Variants in KCTD19 observed in about 807,000 individuals in gnomAD.
KCTD19 encodes potassium channel tetramerization domain containing 19.
Under a neutral mutation model 103.5 loss-of-function variants are expected in KCTD19, and 67 were observed. That is an observed-to-expected ratio of 0.65 (90% CI 0.53 to 0.79). The LOEUF is 0.79. KCTD19 is among the 30% of genes least tolerant of loss of function. The pLI, the probability that KCTD19 is intolerant of heterozygous loss-of-function variation, is 0.00. For missense variants in KCTD19, 980 were observed against 1,136.1 expected (o/e 0.86, Z 1.98); for synonymous variants, 439 against 452.2 (o/e 0.97, Z 0.37).
At chr16:67,297,697 C>G in intron 6 of KCTD19, 34 bp from the exon 7 acceptor site, 1 of 1,604,400 alleles carries the variant, frequency 6.2e-7, no homozygotes, top group Non-Finnish European at 8.5e-7. Context: ...TGAAGAACAT[C>G]AGCATTGTAC....
In KCTD19 at chr16:67,323,935, T is replaced by C. The variant is rs530547129; in HGVS notation, c.3+2770A>G. Among the ~76,000 whole-genome samples, 1 of 151,590 alleles carries C rather than the reference T, an allele frequency of 6.6e-6. No homozygotes were observed. Among genetic ancestry groups the C allele is most frequent in the Non-Finnish European group, 1.5e-5 (1 of 67,924 alleles). ...GGTACTGTCCATTCCATGGAGCGCA[T>C]GCAGAACTCTCTTGGGATCTTACCT... is the stretch of plus-strand genomic sequence containing the variant. On this transcript the variant is annotated intron_variant, in intron 1 of 15. Transcript: ENST00000304372. The surrounding 1 kb of genome is among the most constrained non-coding windows in gnomAD (Gnocchi z 4.1).
chr16:67,291,051 G>A, intron 14 of KCTD19, 65 bp from the exon 15 acceptor site: 1 of 1,531,740 alleles, frequency 6.5e-7, no homozygotes, highest in South Asian at 1.2e-5. Context: ...GTGAGATGCA[G>A]AGCGGGGACT....
chr16:67,322,332 G>C (rs2037083855), intron 1 of KCTD19, among the ~76,000 whole-genome samples: 1 of 143,014 alleles, frequency 7.0e-6, no homozygotes, highest in Non-Finnish European at 1.5e-5. Flanking sequence ...GAGTCTCGCT[G>C]TATCACCCAG....
At chr16:67,308,526 C>T (rs1481914251) in intron 2 of KCTD19, among the ~76,000 whole-genome samples, 3 of 152,100 alleles carry the variant, frequency 2.0e-5, no homozygotes, top group Non-Finnish European at 4.4e-5. Context: ...TCATCAGTGA[C>T]ACTAAACTCC....
chr16:67,301,903 CT>C lies in KCTD19; in HGVS notation c.662del (p.Gln221ArgfsTer15), dbSNP rs1411739161. 2 of 1,613,894 alleles carry C rather than the reference CT, an allele frequency of 1.2e-6. No individual in the cohort carries two copies. Among genetic ancestry groups the C allele is most frequent in the Admixed American group, 3.3e-5 (2 of 60,014 alleles). On this transcript the variant is annotated frameshift_variant, in exon 5 of 16. Transcript: ENST00000304372. LOFTEE classifies it high-confidence loss of function. Reference sequence around the variant, plus strand: ...AGAAATTATCCGGTAGTAAAATCTTCTGTGAGCGAAGAAAATTCACTTGAAA... The same window carrying C: ...AGAAATTATCCGGTAGTAAAATCTTCGTGAGCGAAGAAAATTCACTTGAAA... ...FRFIVNFLRSQKILLPDNFSN... is the reference protein window; with the variant it reads ...FRFIVNFLRSXKILLPDNFSN...
intron 8 of KCTD19, chr16:67,295,667 A>G (rs2142503788): frequency 2.6e-6 from 1 of 386,852 alleles, no homozygotes; most frequent in Non-Finnish European, 4.7e-6. Context: ...TTCTCAGTCC[A>G]GGTCCCTCAG....
rs371352280 is a variant in KCTD19, at chr16:67,293,782, G to T, written c.1980C>A (p.Ser660Arg). 39 of 1,613,682 alleles carry T rather than the reference G, an allele frequency of 2.4e-5. No individual in the cohort carries two copies. Among genetic ancestry groups the T allele is most frequent in the Non-Finnish European group, 3.1e-5 (36 of 1,180,044 alleles). ...WEFQPLTATR[S>R]SPLEEATLQL... ...GCAGGGTGGCCTCCTCCAAGGGGCT[G>T]CTCCGTGTGGCTGTCAGTGGCTGGA... Residue 660 changes from serine (S) to arginine (R), a missense_variant, in exon 12 of 16, where the codon AGC (serine) becomes AGA (arginine). Transcript: ENST00000304372. The surrounding 1 kb of genome is among the most constrained non-coding windows in gnomAD (Gnocchi z 4.0).
intron 7 of KCTD19, 57 bp downstream of exon 7, chr16:67,297,446 C>T: frequency 5.9e-6 from 9 of 1,536,576 alleles, no homozygotes; most frequent in Non-Finnish European, 7.2e-6. Flanking sequence ...CTATTCCCTC[C>T]AATCTCCCAG....
At chr16:67,289,722 A>G in intron 15 of KCTD19, 40 bp from the exon 16 acceptor site, 2 of 1,454,824 alleles carry the variant, frequency 1.4e-6, no homozygotes, top group Non-Finnish European at 1.9e-6. Context: ...TTTCCTGGCC[A>G]GTTGTCTACT....
intron 2 of KCTD19, among the ~76,000 whole-genome samples, chr16:67,310,881 T>C (rs2036942053): frequency 6.6e-6 from 1 of 152,198 alleles, no homozygotes; most frequent in African/African-American, 2.4e-5. Flanking sequence ...CCAGCACTGC[T>C]TTAAGGCTCA....
intron 6 of KCTD19, 127 bp from the exon 7 acceptor site, chr16:67,297,790 GT>G (rs2036783375): frequency 2.4e-6 from 2 of 844,852 alleles, no homozygotes; most frequent in South Asian, 3.8e-5. Flanking sequence ...CATTAACATC[GT>G]TTCCTTGTAT....
chr16:67,298,183 C>T (rs1184798811), intron 6 of KCTD19, among the ~76,000 whole-genome samples: 3 of 151,858 alleles, frequency 2.0e-5, no homozygotes, highest in Non-Finnish European at 2.9e-5. Flanking sequence ...TTAGTAGAGA[C>T]GGGGTTTCAC....
chr16:67,314,161 T>TCTCC (rs1451654284), intron 2 of KCTD19, among the ~76,000 whole-genome samples: 1 of 134,116 alleles, frequency 7.5e-6, no homozygotes, highest in East Asian at 2.4e-4. Flanking sequence ...CCAGCCCCTC[T>TCTCC]CTCCCTCCCT....
Position 67,320,856 on chromosome 16 carries a change from T to A in KCTD19, c.33A>T (p.Ala11=), listed in dbSNP as rs754215182. The change falls in exon 2 of 16, where the codon GCA becomes GCT. Residue 11 remains alanine, a synonymous_variant. Transcript: ENST00000304372. The surrounding 1 kb of genome is among the most constrained non-coding windows in gnomAD (Gnocchi z 4.0). ...CTACGTTGAAATGAAACAAGTCCTC[T>A]GCTGATTCATGAGCCATGCCAGACT... MEESGMAHES[A]EDLFHFNVGG... 1 of 1,614,046 alleles carries A rather than the reference T, an allele frequency of 6.2e-7. No homozygotes were observed. The highest frequency in any genetic ancestry group is 1.1e-5 in the South Asian group (1 of 91,080).
At position 67,299,357 on chromosome 16, in the gene KCTD19, C is replaced by T. The variant is rs938448685; in HGVS notation, c.986+6G>A. The T allele has an allele frequency of 1.9e-6, 3 of 1,613,976 alleles. No homozygotes were observed. In the Admixed American group the frequency reaches 5.0e-5, roughly 27 times the overall value. ...GGGACTCAGTGTGCCCTAAGGAGGA[C>T]CTCACTTGACGTGCTGAAAGAGGAC... On this transcript the variant is annotated splice_donor_region_variant and intron_variant, in intron 6 of 15. Coordinates refer to ENST00000304372, the MANE Select transcript of KCTD19 (RefSeq NM_001100915.3).
At position 67,290,362 on chromosome 16, in the gene KCTD19, TAG is replaced by T. The variant is rs564376568; in HGVS notation, c.2667+521_2667+522del. Among the ~76,000 whole-genome samples the T allele has an allele frequency of 6.5e-3, 996 of 152,100 alleles. 4 individuals are homozygous for T. Among genetic ancestry groups the T allele is most frequent in the Non-Finnish European group, 0.011 (752 of 67,954 alleles). On this transcript the variant is annotated intron_variant, in intron 15 of 15. Transcript: ENST00000304372. ...CTGGCTAATTTTTTTGTGTTTTCAG[TAG>T]AGACGGGGTTTCACTGTGTTAGCCA...
chr16:67,306,899 A>C (rs914101093), intron 2 of KCTD19, among the ~76,000 whole-genome samples: 3 of 152,134 alleles, frequency 2.0e-5, no homozygotes, highest in African/African-American at 7.2e-5. Context: ...CCTGACAACA[A>C]AGTAGGCTCT....
At chr16:67,302,030 T>A in intron 4 of KCTD19, 108 bp from the exon 5 acceptor site, 25 of 1,023,800 alleles carry the variant, frequency 2.4e-5, no homozygotes, top group Non-Finnish European at 3.7e-5. Flanking sequence ...TAGGTTCTCC[T>A]TGTTCTGAAA....
rs894611712 is a variant in KCTD19, at chr16:67,326,521, C to T, written c.3+184G>A. ...CTCAGAGCCAGAACACTTCATCCCT[C>T]AAGACAGAGCGTTATTCTAACTCCT... On this transcript the variant is annotated intron_variant, in intron 1 of 15. Coordinates refer to ENST00000304372, the MANE Select transcript of KCTD19 (RefSeq NM_001100915.3). 5 of 732,470 alleles carry T rather than the reference C, an allele frequency of 6.8e-6. No individual in the cohort carries two copies. In the African/African-American group the frequency reaches 7.5e-5, roughly 11 times the overall value. The allele number at this position is 732,470 out of a possible 1,614,324, so 45.4% of individuals were successfully genotyped here. A position where few individuals can be genotyped will look rare whatever the true frequency, so the allele number is the denominator to read the frequency against.
Sources: allele counts gnomAD v4.1 joint callset (sites outside exome capture counted in the v4.1 genomes callset), GRCh38; gene constraint gnomAD v4.1.1; non-coding constraint Gnocchi (gnomAD v3.1); transcripts MANE v1.5; gene names NCBI Gene and HGNC (gene_info 2026-07-23, HGNC 2026-07-21).